The following FOCAD variants were observed in gnomAD, a reference collection of about 807,000 sequenced individuals.
The protein encoded by FOCAD is focadhesin, also known as KIAA1797.
In FOCAD, 198 loss-of-function variants were observed where a neutral mutation model predicts 225.6. The ratio of observed to expected loss-of-function variants is 0.88; its 90% CI spans 0.78 to 0.99. The LOEUF (loss-of-function observed/expected upper bound fraction) is 0.99. Ranked by LOEUF, FOCAD falls within the 50% of genes least tolerant of loss-of-function variation. The pLI is 0.00. For synonymous variants in FOCAD, 897 were observed against 755.0 expected (o/e 1.19, Z -3.08); for missense variants, 2,713 against 2,123.6 (o/e 1.28, Z -5.46).
intron 37 of FOCAD, among the ~76,000 whole-genome samples, chr9:20,978,719 G>T (rs1321285776): frequency 2.0e-5 from 3 of 152,190 alleles, no homozygotes; most frequent in Non-Finnish European, 4.4e-5. Flanking sequence ...CCTTTCTCAA[G>T]ATCATATAGC....
At chr9:20,839,945 T>C (rs556594447) in intron 15 of FOCAD, among the ~76,000 whole-genome samples, 38 of 152,240 alleles carry the variant, frequency 2.5e-4, no homozygotes, top group Non-Finnish European at 1.5e-5. Context: ...GTTCTTGGCA[T>C]CTTTGTCAAA....
chr9:20,978,592 C>T (rs1840413320), intron 37 of FOCAD, 138 bp downstream of exon 37: 4 of 516,814 alleles, frequency 7.7e-6, no homozygotes, highest in Non-Finnish European at 1.3e-5. Flanking sequence ...TTGATAGTAG[C>T]TGGCCTGCAT....
intron 15 of FOCAD, among the ~76,000 whole-genome samples, chr9:20,835,181 C>T (rs910061011): frequency 6.6e-6 from 1 of 151,970 alleles, no homozygotes; most frequent in Admixed American, 6.6e-5. Flanking sequence ...TTCAGTAAAT[C>T]AAAAGTATAA....
intron 1 of FOCAD, among the ~76,000 whole-genome samples, chr9:20,703,796 G>T (rs565215888): frequency 2.2e-4 from 33 of 152,166 alleles, no homozygotes; most frequent in Non-Finnish European, 4.3e-4. Context: ...TGCCTGCTAT[G>T]TGCAAGACTC....
chr9:20,678,835 T>G (rs1822313978), intron 2 of FOCAD, among the ~76,000 whole-genome samples: 1 of 152,218 alleles, frequency 6.6e-6, no homozygotes, highest in Non-Finnish European at 1.5e-5. Flanking sequence ...GCGTCTCCCT[T>G]GTGATCTTTT....
intron 19 of FOCAD, among the ~76,000 whole-genome samples, chr9:20,879,576 G>A (rs1830501396): frequency 1.3e-5 from 2 of 152,152 alleles, no homozygotes; most frequent in Non-Finnish European, 2.9e-5. Context: ...CCATTCAGCT[G>A]TTGAGGACAT....
At chr9:20,808,853 A>G (rs1036467454) in intron 11 of FOCAD, among the ~76,000 whole-genome samples, 3 of 152,162 alleles carry the variant, frequency 2.0e-5, no homozygotes, top group African/African-American at 7.2e-5. Context: ...CTTTAGTCCT[A>G]TCATTTTTGC....
At chr9:20,811,560 A>G (rs1362417654) in intron 11 of FOCAD, among the ~76,000 whole-genome samples, 4 of 152,080 alleles carry the variant, frequency 2.6e-5, no homozygotes, top group African/African-American at 9.7e-5. Flanking sequence ...TCAAGACTGT[A>G]GAATACTTCT....
intron 21 of FOCAD, among the ~76,000 whole-genome samples, chr9:20,890,139 T>C (rs1224166829): frequency 6.6e-6 from 1 of 152,104 alleles, no homozygotes; most frequent in Non-Finnish European, 1.5e-5. Flanking sequence ...ATGCTTTTAA[T>C]TTTTGCTTTT....
At position 20,917,012 on chromosome 9, in the gene FOCAD, T is replaced by C; in HGVS notation, c.2852+75T>C. On this transcript the variant is annotated intron_variant, in intron 24 of 43. Coordinates refer to ENST00000338382, the MANE Select transcript of FOCAD (RefSeq NM_001375567.1). ...CTGGCAGGTACATACATTTTCTCCT[T>C]TTAGGGCATTTCATAATTTTAAGGA... 3.5e-6 allele frequency: 4 copies of C among 1,145,060 alleles called. No individual in the cohort carries two copies. The East Asian group carries it at 7.7e-5, about 22-fold the overall frequency. The allele number at this position is 1,145,060 out of a possible 1,614,324, so 70.9% of individuals were successfully genotyped here.
intron 11 of FOCAD, among the ~76,000 whole-genome samples, chr9:20,818,651 G>C (rs949475130): frequency 4.0e-5 from 6 of 150,948 alleles, no homozygotes; most frequent in Non-Finnish European, 5.9e-5. Flanking sequence ...TTTTTTCTGG[G>C]GATCCTTGTC....
intron 6 of FOCAD, among the ~76,000 whole-genome samples, chr9:20,762,318 G>C (rs1216203875): frequency 6.6e-6 from 1 of 152,172 alleles, no homozygotes; most frequent in African/African-American, 2.4e-5. Context: ...GTGTGATAAA[G>C]ATATATGTTT....
intron 28 of FOCAD, among the ~76,000 whole-genome samples, chr9:20,934,207 C>T (rs559989966): frequency 1.1e-4 from 17 of 152,148 alleles, no homozygotes; most frequent in Admixed American, 7.2e-4. Context: ...AAAGCTCTTT[C>T]GTTTAATTAA....
chr9:20,663,748 TGAAA>T (rs945170057), intron 2 of FOCAD, among the ~76,000 whole-genome samples: 7 of 152,220 alleles, frequency 4.6e-5, no homozygotes, highest in African/African-American at 1.7e-4. Flanking sequence ...CAGTATTTTC[TGAAA>T]GACTTTCCTT....
chr9:20,833,996 C>A (rs186859379), intron 15 of FOCAD, among the ~76,000 whole-genome samples: 91 of 152,084 alleles, frequency 6.0e-4, no homozygotes, highest in Non-Finnish European at 1.0e-3. Context: ...TAGATACTTA[C>A]CCAAGTAAAC....
At chr9:20,892,666 T>C (rs1587527194) in intron 21 of FOCAD, among the ~76,000 whole-genome samples, 4 of 152,128 alleles carry the variant, frequency 2.6e-5, no homozygotes, top group Admixed American at 2.6e-4. Context: ...CTGGTGAAGA[T>C]GCTGTGAACA....
chr9:20,920,638 A>T (rs1160038081), intron 24 of FOCAD, among the ~76,000 whole-genome samples: 2 of 150,418 alleles, frequency 1.3e-5, no homozygotes, highest in Non-Finnish European at 3.0e-5. Context: ...CAGCCATAAA[A>T]AAGGATGAGT....
chr9:20,762,465 T>G (rs1432244807), intron 6 of FOCAD, among the ~76,000 whole-genome samples: 1 of 152,210 alleles, frequency 6.6e-6, no homozygotes, highest in East Asian at 1.9e-4. Context: ...TCTTGTTTTG[T>G]TTCCATCATG....
intron 14 of FOCAD, among the ~76,000 whole-genome samples, chr9:20,821,996 T>TAAA (rs58640962): frequency 4.1e-5 from 2 of 49,334 alleles, no homozygotes; most frequent in African/African-American, 7.9e-5. Context: ...TAAAAGTTAC[T>TAAA]AAAAAAAAAA....
Sources: allele counts gnomAD v4.1 joint callset (sites outside exome capture counted in the v4.1 genomes callset), GRCh38; gene constraint gnomAD v4.1.1; transcripts MANE v1.5; gene names NCBI Gene and HGNC (gene_info 2026-07-23, HGNC 2026-07-21).